Variants in PCDH11X observed in about 807,000 individuals in gnomAD.
PCDH11X encodes protocadherin-11 X-linked.
In PCDH11X, 18 loss-of-function variants were observed where a neutral mutation model predicts 53.3. The observed-to-expected ratio is 0.34, with a 90% CI of 0.23 to 0.50. The LOEUF (loss-of-function observed/expected upper bound fraction) is 0.50, where lower values mean the gene tolerates loss of function less well. Among genes scored for constraint, PCDH11X ranks in the 20% least tolerant of loss-of-function variants. The pLI is 0.98. For synonymous variants in PCDH11X, 279 were observed against 393.3 expected, an observed-to-expected ratio of 0.71 and a Z score of 3.44; for missense variants, 570 against 1,032.4, an observed-to-expected ratio of 0.55 and a Z score of 6.14.
intron 6 of PCDH11X, among the ~76,000 whole-genome samples, chrX:92,166,532 T>G (rs2065734955): frequency 9.3e-6 from 1 of 107,272 alleles, no homozygotes; most frequent in Non-Finnish European, 1.9e-5. Context: ...CAAGACAGAT[T>G]ATGTAAGCAG....
chrX:92,272,460 A>G (rs1394610817), intron 8 of PCDH11X, among the ~76,000 whole-genome samples: 1 of 111,898 alleles, frequency 8.9e-6, no homozygotes, highest in Non-Finnish European at 1.9e-5. Flanking sequence ...TTTTAAATAT[A>G]CTGGTCAATT....
intron 8 of PCDH11X, among the ~76,000 whole-genome samples, chrX:92,332,741 G>GCAA (rs1214740689): frequency 9.0e-6 from 1 of 111,610 alleles, no homozygotes; most frequent in Non-Finnish European, 1.9e-5. Context: ...AGCAGCAGCA[G>GCAA]CAATAGCAGC....
chrX:92,165,223 C>T (rs2065713390), intron 6 of PCDH11X, among the ~76,000 whole-genome samples: 1 of 111,774 alleles, frequency 8.9e-6, no homozygotes, highest in Non-Finnish European at 1.9e-5. Context: ...ATATATTGAA[C>T]ACCAAGAGAG....
intron 7 of PCDH11X, among the ~76,000 whole-genome samples, chrX:92,256,600 G>A (rs2067592979): frequency 9.0e-6 from 1 of 111,336 alleles, no homozygotes; most frequent in African/African-American, 3.3e-5. Context: ...GGATATGCAG[G>A]TTTGTTACAT....
chrX:92,179,407 T>C (rs1473526119), intron 6 of PCDH11X, among the ~76,000 whole-genome samples: 1 of 111,823 alleles, frequency 8.9e-6, no homozygotes, highest in Non-Finnish European at 1.9e-5. Context: ...TCACTAAGGA[T>C]AACACAAAAC....
At chrX:92,517,005 A>G (rs1341503839) in intron 10 of PCDH11X, among the ~76,000 whole-genome samples, 1 of 112,317 alleles carries the variant, frequency 8.9e-6, no homozygotes, top group Non-Finnish European at 1.9e-5. Context: ...CTTTTTGTGA[A>G]AGATTGTGAG....
At chrX:92,220,927 T>C (rs2066855615) in intron 7 of PCDH11X, among the ~76,000 whole-genome samples, 1 of 105,967 alleles carries the variant, frequency 9.4e-6, no homozygotes, top group Non-Finnish European at 1.9e-5. Context: ...GAAATCATCA[T>C]TCTCAGTAAA....
intron 10 of PCDH11X, among the ~76,000 whole-genome samples, chrX:92,545,387 CTTTTTTTTTT>C (rs566573698): frequency 3.2e-4 from 21 of 66,040 alleles, no homozygotes; most frequent in East Asian, 5.0e-4. Context: ...GGTTAAATTC[CTTTTTTTTTT>C]TTTTTTTTTT....
At chrX:92,559,861 T>C (rs1352954663) in intron 10 of PCDH11X, among the ~76,000 whole-genome samples, 1 of 110,884 alleles carries the variant, frequency 9.0e-6, no homozygotes, top group Non-Finnish European at 1.9e-5. Flanking sequence ...TAGGTAAACA[T>C]GAAAGGCAAT....
intron 4 of PCDH11X, among the ~76,000 whole-genome samples, chrX:91,828,531 T>C (rs1013923873): frequency 6.3e-5 from 7 of 111,015 alleles, no homozygotes; most frequent in Non-Finnish European, 1.1e-4. Flanking sequence ...ATTTTTTTGG[T>C]TTTGAGGTGA....
chrX:92,488,152 C>T (rs987668389), intron 10 of PCDH11X, among the ~76,000 whole-genome samples: 2 of 109,819 alleles, frequency 1.8e-5, no homozygotes, highest in African/African-American at 6.6e-5. Context: ...TTTTGTTAAC[C>T]TCTCAACATC....
chrX:92,476,789 T>G (rs777639160), intron 10 of PCDH11X, among the ~76,000 whole-genome samples: 1,276 of 49,888 alleles, frequency 0.026, 185 homozygotes, highest in Non-Finnish European at 0.034. Context: ...CAGGACAACT[T>G]TTTAAGTTTA....
At chrX:91,787,241 A>T (rs1300002177) in intron 1 of PCDH11X, among the ~76,000 whole-genome samples, 1 of 109,192 alleles carries the variant, frequency 9.2e-6, no homozygotes, top group Non-Finnish European at 1.9e-5. Context: ...TTTTTACATA[A>T]GATTTATTTT....
intron 7 of PCDH11X, among the ~76,000 whole-genome samples, chrX:92,217,811 C>A (rs1377124572): frequency 9.0e-5 from 10 of 111,317 alleles, no homozygotes; most frequent in Non-Finnish European, 1.9e-4. Context: ...AAGTAAAGGT[C>A]TCCTCAGCAA....
At chrX:92,082,375 C>T (rs2063872575) in intron 6 of PCDH11X, among the ~76,000 whole-genome samples, 2 of 109,590 alleles carry the variant, frequency 1.8e-5, no homozygotes, top group Admixed American at 2.0e-4. Flanking sequence ...CTGAAGTACA[C>T]ATTGACATCT....
At chrX:92,222,798 C>T (rs1054111370) in intron 7 of PCDH11X, among the ~76,000 whole-genome samples, 2 of 111,570 alleles carry the variant, frequency 1.8e-5, no homozygotes, top group Non-Finnish European at 3.8e-5. Context: ...CTAGATTTCC[C>T]CTTGGTCCAT....
intron 6 of PCDH11X, among the ~76,000 whole-genome samples, chrX:91,911,158 A>G (rs1449763733): frequency 9.0e-6 from 1 of 111,209 alleles, no homozygotes; most frequent in African/African-American, 3.3e-5. Context: ...GATAATATTT[A>G]TCCAGTCCGA....
chrX:92,124,212 G>A lies in PCDH11X; in HGVS notation c.3034-77163G>A, dbSNP rs544195097. 1.9e-4 allele frequency among the ~76,000 whole-genome samples: 21 copies of A among 110,691 alleles called. 1 individual carries two copies. The South Asian group carries it at 8.0e-3, about 42-fold the overall frequency. On this transcript the variant is annotated intron_variant, in intron 6 of 10. Coordinates refer to ENST00000682573, the MANE Select transcript of PCDH11X (RefSeq NM_032968.5). ...ATATACTTCAGTGGTTACAACTCAG[G>A]TGCCACGGGAGCCAAGGCAGGTGAA...
At chrX:91,998,016 C>T (rs1043402496) in intron 6 of PCDH11X, among the ~76,000 whole-genome samples, 8 of 108,568 alleles carry the variant, frequency 7.4e-5, no homozygotes, top group African/African-American at 2.4e-4. Flanking sequence ...TCACTGCAAC[C>T]TCTACCTCCC....
Sources: gnomAD v4.1 joint callset for allele counts (sites outside exome capture counted in the v4.1 genomes callset) on GRCh38, gnomAD v4.1.1 for gene constraint, MANE v1.5 for transcripts, NCBI Gene and HGNC (gene_info 2026-07-23, HGNC 2026-07-21) for gene names.